The following UAP1 variants were observed in gnomAD, a reference collection of about 807,000 sequenced individuals.
The protein encoded by UAP1 is UDP-N-acetylhexosamine pyrophosphorylase.
A neutral mutation model predicts 58.5 loss-of-function variants in UAP1; 25 were observed. That is an observed-to-expected ratio of 0.43 (90% confidence interval 0.31 to 0.60). The LOEUF is 0.60. Among genes scored for constraint, UAP1 ranks in the 20% least tolerant of loss-of-function variants. The pLI is 0.11. For missense variants in UAP1, 575 were observed against 630.0 expected (o/e 0.91, Z 0.93); for synonymous variants, 208 against 213.0 (o/e 0.98, Z 0.21).
At chr1:162,599,230 G>A (rs1430659718) in intron 10 of UAP1, 41 bp from the exon 11 acceptor site, 3 of 1,450,634 alleles carry the variant, frequency 2.1e-6, no homozygotes, top group Middle Eastern at 1.7e-4. Context: ...CATGACAAGT[G>A]CAAATTTTCT....
Position 162,589,928 on chromosome 1 carries a change from G to A in UAP1, c.1170-395G>A, listed in dbSNP as rs534326141. Among the ~76,000 whole-genome samples, 315 of 152,176 alleles carry A rather than the reference G, an allele frequency of 2.1e-3. 1 individual carries two copies. The highest frequency in any genetic ancestry group is 3.4e-3 in the Non-Finnish European group (233 of 68,014). On this transcript the variant is annotated intron_variant, in intron 7 of 10. Transcript: ENST00000271469. ...AGAGGTTGCAGTGAGCTGAGATTGTGCCACTGCACTCCAGCCTGGGTGACA... is the reference window on the plus strand; with the variant it reads ...AGAGGTTGCAGTGAGCTGAGATTGTACCACTGCACTCCAGCCTGGGTGACA...
chr1:162,565,578 C>T (rs1017914877), intron 1 of UAP1, among the ~76,000 whole-genome samples: 5 of 152,146 alleles, frequency 3.3e-5, no homozygotes, highest in African/African-American at 1.2e-4. Flanking sequence ...ACAAGGAAAA[C>T]ATTTAAATAT....
chr1:162,597,531 G>A (rs16863836), intron 9 of UAP1: 4,500 of 411,770 alleles, frequency 0.011, 144 homozygotes, highest in African/African-American at 0.073. Context: ...TAAGGGGACA[G>A]TGTGTAAAAA....
At chr1:162,576,353 A>G (rs189004926) in intron 2 of UAP1, among the ~76,000 whole-genome samples, 2 of 152,206 alleles carry the variant, frequency 1.3e-5, no homozygotes, top group East Asian at 3.9e-4. Context: ...AACATTTATT[A>G]TATCTCTCGG....
chr1:162,571,318 G>A (rs965499430), intron 2 of UAP1, among the ~76,000 whole-genome samples: 2 of 151,748 alleles, frequency 1.3e-5, no homozygotes, highest in East Asian at 3.9e-4. Context: ...TAGTAGAGAC[G>A]GGGGTTTCAA....
chr1:162,601,130 C>A (rs1293732320), downstream of UAP1, among the ~76,000 whole-genome samples: 1 of 152,128 alleles, frequency 6.6e-6, no homozygotes, highest in Non-Finnish European at 1.5e-5. Context: ...AAGGTGATAG[C>A]ATTATGTATT....
Position 162,580,175 on chromosome 1 carries a change from A to C in UAP1, c.661+572A>C, listed in dbSNP as rs73030568. Among the ~76,000 whole-genome samples, 903 of 152,280 alleles carry C rather than the reference A, an allele frequency of 5.9e-3. 4 individuals are homozygous for C. Among genetic ancestry groups the C allele is most frequent in the African/African-American group, 0.021 (859 of 41,572 alleles). On this transcript the variant is annotated intron_variant, in intron 4 of 10. Coordinates refer to ENST00000271469, the Ensembl canonical transcript of UAP1. The stretch of plus-strand genomic sequence containing the variant: ...AGCCACCGCGCCCAGCCATATAGCA[A>C]ATATTTTATGTATACTGCAATGTTC...
chr1:162,600,777 T>C (rs1474842107), downstream of UAP1, among the ~76,000 whole-genome samples: 1 of 152,182 alleles, frequency 6.6e-6, no homozygotes, highest in Non-Finnish European at 1.5e-5. Context: ...ATTTTGCTAT[T>C]GTTATCTATT....
chr1:162,587,708 G>A, intron 6 of UAP1, 40 bp downstream of exon 6: 3 of 1,578,126 alleles, frequency 1.9e-6, no homozygotes, highest in Non-Finnish European at 2.6e-6. Flanking sequence ...TATATTTATT[G>A]TTAATCAGAA....
downstream of UAP1, among the ~76,000 whole-genome samples, chr1:162,600,324 C>G (rs74817158): frequency 2.0e-3 from 307 of 151,974 alleles, 6 homozygotes; most frequent in East Asian, 0.05. Context: ...GTAGGCTATT[C>G]CAGTTTTTTG....
At chr1:162,585,677 A>C (rs1414262288) in intron 5 of UAP1, among the ~76,000 whole-genome samples, 2 of 152,186 alleles carry the variant, frequency 1.3e-5, no homozygotes, top group East Asian at 3.8e-4. Flanking sequence ...GTTGCCATAG[A>C]AGTAAACCTT....
exon 7 of UAP1, chr1:162,588,781 C>T (rs949543428): frequency 6.2e-7 from 1 of 1,611,824 alleles, no homozygotes; most frequent in Non-Finnish European, 8.5e-7. Context: ...GCCAGACAAA[C>T]CCAATGGAAT....
intron 8 of UAP1, among the ~76,000 whole-genome samples, chr1:162,592,217 C>G (rs1571091796): frequency 6.6e-6 from 1 of 152,128 alleles, no homozygotes; most frequent in Admixed American, 6.5e-5. Flanking sequence ...ATGGTGAAAC[C>G]CTGTCTCTAC....
At chr1:162,593,193 C>T (rs1179512138) in intron 9 of UAP1, 3 of 174,438 alleles carry the variant, frequency 1.7e-5, no homozygotes, top group African/African-American at 7.1e-5. Flanking sequence ...GCTGATTGTT[C>T]CTGTCATATT....
At chr1:162,573,912 C>G (rs1654015680) in intron 2 of UAP1, among the ~76,000 whole-genome samples, 1 of 151,236 alleles carries the variant, frequency 6.6e-6, no homozygotes, top group African/African-American at 2.4e-5. Flanking sequence ...TGCAGTAAGC[C>G]AAGGTTGTGC....
intron 8 of UAP1, 70 bp downstream of exon 8, chr1:162,590,581 T>C (rs897465726): frequency 7.6e-7 from 1 of 1,313,892 alleles, no homozygotes; most frequent in Non-Finnish European, 1.0e-6. Flanking sequence ...TCTCTCTCTC[T>C]CTCTCTCTCT....
chr1:162,584,971 C>T (rs1057293690), intron 5 of UAP1, among the ~76,000 whole-genome samples: 11 of 152,294 alleles, frequency 7.2e-5, no homozygotes, highest in Non-Finnish European at 8.8e-5. Context: ...TTATTTTGGA[C>T]TCAGCTTTTC....
chr1:162,582,982 A>T (rs1248969954), intron 5 of UAP1, among the ~76,000 whole-genome samples: 1 of 146,468 alleles, frequency 6.8e-6, no homozygotes, highest in Non-Finnish European at 1.5e-5. Context: ...TCTGAACTGT[A>T]TTTTTTTTTT....
intron 2 of UAP1, among the ~76,000 whole-genome samples, chr1:162,571,369 A>G (rs1653856825): frequency 1.3e-5 from 2 of 152,024 alleles, no homozygotes; most frequent in African/African-American, 4.8e-5. Flanking sequence ...ACCTCAAGTG[A>G]TTTGCCTGCC....
Sources: gnomAD v4.1 joint callset for allele counts (sites outside exome capture counted in the v4.1 genomes callset) on GRCh38, gnomAD v4.1.1 for gene constraint, MANE v1.5 for transcripts, NCBI Gene and HGNC (gene_info 2026-07-23, HGNC 2026-07-21) for gene names.